CSMD1: variants seen among roughly 807,000 people sequenced by gnomAD.
CSMD1 encodes the protein CUB and sushi domain-containing protein 1.
In CSMD1, 213 loss-of-function variants were observed where a neutral mutation model predicts 417.5. That is an observed-to-expected ratio of 0.51 (90% CI 0.46 to 0.57). CSMD1 has a LOEUF of 0.57. Ranked by LOEUF, CSMD1 falls within the 20% of genes least tolerant of loss-of-function variation. CSMD1 has a pLI of 0.00. For missense variants in CSMD1, 6,923 were observed against 4,529.7 expected (o/e 1.53, Z -15.17); for synonymous variants, 2,862 against 1,736.8 (o/e 1.65, Z -16.11).
intron 5 of CSMD1, among the ~76,000 whole-genome samples, chr8:3,912,674 T>C (rs1247467878): frequency 6.6e-6 from 1 of 152,096 alleles, no homozygotes; most frequent in Non-Finnish European, 1.5e-5. Context: ...GCATGTTTGA[T>C]AAACTGAGAA....
intron 3 of CSMD1, among the ~76,000 whole-genome samples, chr8:4,347,961 T>C (rs908893641): frequency 2.6e-5 from 4 of 152,026 alleles, no homozygotes; most frequent in African/African-American, 9.7e-5. Context: ...CACAGAAGAA[T>C]TTATACACGG....
intron 3 of CSMD1, among the ~76,000 whole-genome samples, chr8:4,253,783 T>A (rs1003786227): frequency 6.6e-6 from 1 of 152,034 alleles, no homozygotes; most frequent in East Asian, 1.9e-4. Flanking sequence ...GATGAAAATT[T>A]TGCCTGTATT....
At chr8:4,035,822 T>C (rs538601917) in intron 3 of CSMD1, among the ~76,000 whole-genome samples, 11 of 152,182 alleles carry the variant, frequency 7.2e-5, no homozygotes, top group African/African-American at 2.7e-4. Context: ...ATACATTTAG[T>C]GTACTCTAAG....
At chr8:4,741,396 A>G (rs535961070) in intron 1 of CSMD1, among the ~76,000 whole-genome samples, 2 of 152,350 alleles carry the variant, frequency 1.3e-5, no homozygotes, top group South Asian at 4.1e-4. Flanking sequence ...TTCTTGCCAC[A>G]AGATTAAATA....
intron 3 of CSMD1, among the ~76,000 whole-genome samples, chr8:4,147,348 C>G (rs1804201183): frequency 6.6e-6 from 1 of 152,100 alleles, no homozygotes; most frequent in African/African-American, 2.4e-5. Context: ...GCGCCCCACC[C>G]TTCTTCCCTC....
intron 5 of CSMD1, among the ~76,000 whole-genome samples, chr8:3,887,043 A>G (rs992964902): frequency 2.6e-5 from 4 of 152,134 alleles, no homozygotes; most frequent in African/African-American, 9.7e-5. Context: ...ACTCTGCCTC[A>G]CACATTTTCC....
At chr8:4,073,396 T>C (rs1259529333) in intron 3 of CSMD1, among the ~76,000 whole-genome samples, 2 of 152,054 alleles carry the variant, frequency 1.3e-5, no homozygotes, top group Admixed American at 1.3e-4. Flanking sequence ...AAAAAGTAAA[T>C]TTAGAAGAAG....
At chr8:4,886,040 G>A (rs964325134) in intron 1 of CSMD1, among the ~76,000 whole-genome samples, 2 of 151,926 alleles carry the variant, frequency 1.3e-5, no homozygotes, top group Non-Finnish European at 2.9e-5. Flanking sequence ...GTCCAGGCTG[G>A]ACTGCAGTGG....
At position 4,962,698 on chromosome 8, in the gene CSMD1, T is replaced by C. The variant is rs143550763; in HGVS notation, c.85+31634A>G. ...TCTTGCTCCATGTGGGTGGAAGGGA[T>C]GTGCAAGATTGATGGATGGGCAAGA... On this transcript the variant is annotated intron_variant, in intron 1 of 69. Transcript: ENST00000635120. 6.2e-3 allele frequency among the ~76,000 whole-genome samples: 951 copies of C among 152,262 alleles called. 12 individuals carry two copies. Among genetic ancestry groups the C allele is most frequent in the African/African-American group, 0.022 (900 of 41,560 alleles).
At chr8:3,827,890 G>C (rs1407084870) in intron 5 of CSMD1, among the ~76,000 whole-genome samples, 1 of 152,144 alleles carries the variant, frequency 6.6e-6, no homozygotes, top group African/African-American at 2.4e-5. Flanking sequence ...ATCCCCATGG[G>C]CTCACTCAAA....
chr8:3,456,291 C>T (rs991357239), intron 12 of CSMD1, among the ~76,000 whole-genome samples: 1 of 89,858 alleles, frequency 1.1e-5, no homozygotes, highest in Non-Finnish European at 2.3e-5. Context: ...TGCTTCAGCT[C>T]ATGCTTTGTG....
At chr8:4,349,820 CT>C (rs35007995) in intron 3 of CSMD1, among the ~76,000 whole-genome samples, 21,871 of 139,190 alleles carry the variant, frequency 0.16, 3,751 homozygotes, top group African/African-American at 0.44. Context: ...ATGATATGAC[CT>C]TTTTTTTTTT....
chr8:3,719,792 G>T (rs141177070), intron 6 of CSMD1, among the ~76,000 whole-genome samples: 1 of 152,248 alleles, frequency 6.6e-6, no homozygotes, highest in South Asian at 2.1e-4. Context: ...TTCTACGTGT[G>T]TCCAGCTTTT....
intron 5 of CSMD1, among the ~76,000 whole-genome samples, chr8:3,788,660 G>A (rs903584129): frequency 6.6e-6 from 1 of 152,158 alleles, no homozygotes; most frequent in Admixed American, 6.5e-5. Flanking sequence ...GATAAATGTA[G>A]ACAAAAATGT....
In CSMD1 at chr8:3,398,292, T is replaced by A. The variant is rs532353635; in HGVS notation, c.2405+1099A>T. On this transcript the variant is annotated intron_variant, in intron 16 of 69. Transcript: ENST00000635120. ...CAACTGAATACTTACAGAGTTAGTA[T>A]TTTTTCAAATGATTGATTATACACA... 4.0e-4 allele frequency among the ~76,000 whole-genome samples: 61 copies of A among 152,328 alleles called. 1 individual carries two copies. The South Asian group carries it at 7.5e-3, about 19-fold the overall frequency.
chr8:3,738,788 C>A (rs577157616), intron 6 of CSMD1, among the ~76,000 whole-genome samples: 2 of 152,320 alleles, frequency 1.3e-5, no homozygotes, highest in South Asian at 4.1e-4. Flanking sequence ...CAACTGGGTG[C>A]ACTATACAGA....
At chr8:3,481,123 C>G (rs1035696491) in intron 11 of CSMD1, among the ~76,000 whole-genome samples, 1 of 144,254 alleles carries the variant, frequency 6.9e-6, no homozygotes, top group Non-Finnish European at 1.5e-5. Context: ...CCACTGCACT[C>G]CAGCCTGGGC....
intron 1 of CSMD1, among the ~76,000 whole-genome samples, chr8:4,929,584 G>C (rs1807100560): frequency 1.3e-5 from 2 of 152,130 alleles, no homozygotes; most frequent in African/African-American, 2.4e-5. Flanking sequence ...CTCAAGGTGT[G>C]TTCAGTCCAT....
At chr8:2,941,328 T>A (rs1228010882) in intron 69 of CSMD1, among the ~76,000 whole-genome samples, 2 of 152,212 alleles carry the variant, frequency 1.3e-5, no homozygotes, top group Non-Finnish European at 2.9e-5. Context: ...ATTTCATGAG[T>A]TTTGAAAAAA....
Sources: gnomAD v4.1 joint callset for allele counts (sites outside exome capture counted in the v4.1 genomes callset) on GRCh38, gnomAD v4.1.1 for gene constraint, MANE v1.5 for transcripts, NCBI Gene and HGNC (gene_info 2026-07-23, HGNC 2026-07-21) for gene names.